Variants in MS4A14 observed in about 807,000 individuals in gnomAD.
MS4A14 encodes the protein membrane-spanning 4-domains subfamily A member 14.
A neutral mutation model predicts 16.7 loss-of-function variants in MS4A14; 18 were observed. That is an observed-to-expected ratio of 1.08 (90% CI 0.75 to 1.60). The LOEUF is 1.60. Ranked by LOEUF, MS4A14 falls within the 40% of genes most tolerant of loss-of-function variation. The pLI is 0.00. For missense variants in MS4A14, 812 were observed against 775.3 expected (o/e 1.05, Z -0.56); for synonymous variants, 305 against 289.4 (o/e 1.05, Z -0.55).
At chr11:60,399,149 T>C (rs7107802) in intron 2 of MS4A14, among the ~76,000 whole-genome samples, 106,233 of 152,130 alleles carry the variant, frequency 0.7, 37,285 homozygotes, top group Middle Eastern at 0.81. Flanking sequence ...GTTTGTCATC[T>C]AACTGGGAGA....
At chr11:60,398,570 T>G (rs543544986) in intron 2 of MS4A14, among the ~76,000 whole-genome samples, 2 of 152,302 alleles carry the variant, frequency 1.3e-5, no homozygotes, top group East Asian at 3.9e-4. Context: ...TACTATAACA[T>G]ACACTCCTGA....
intron 4 of MS4A14, among the ~76,000 whole-genome samples, chr11:60,412,421 TA>T (rs2085881545): frequency 6.6e-6 from 1 of 151,972 alleles, no homozygotes; most frequent in Admixed American, 6.5e-5. Context: ...TATGGATCTG[TA>T]AAGATTTTCT....
chr11:60,415,323 A>T, intron 4 of MS4A14, 114 bp from the exon 5 acceptor site: 2 of 1,122,932 alleles, frequency 1.8e-6, no homozygotes, highest in Non-Finnish European at 2.5e-6. Flanking sequence ...CTTCTCATTT[A>T]GATGTTATTT....
At position 60,416,807 on chromosome 11, in the gene MS4A14, G is replaced by C. The variant is rs2085954276; in HGVS notation, c.1839G>C (p.Glu613Asp). 1 of 1,613,486 alleles carries C rather than the reference G, an allele frequency of 6.2e-7. No homozygotes were observed. The highest frequency in any genetic ancestry group is 1.3e-5 in the African/African-American group (1 of 74,870). ...DQQTEDQPAQ[E>D]KKSPKGQFQN... ...AAACTGAAGACCAGCCGGCCCAAGA[G>C]AAGAAATCCCCGAAAGGACAATTCC... The change falls in exon 5 of 5, where the codon GAG becomes GAC. Residue 613 changes from glutamate (E) to aspartate (D), a missense_variant. Physicochemically the swap from Glu to Asp is conservative, Grantham distance 45. Coordinates refer to ENST00000300187, the MANE Select transcript of MS4A14 (RefSeq NM_032597.5).
intron 4 of MS4A14, among the ~76,000 whole-genome samples, chr11:60,410,740 T>C (rs1204426444): frequency 6.6e-6 from 1 of 152,234 alleles, no homozygotes; most frequent in Non-Finnish European, 1.5e-5. Context: ...GAAAATTGAT[T>C]TACTATATAT....
chr11:60,406,751 TC>T (rs2085791809), intron 4 of MS4A14, among the ~76,000 whole-genome samples: 1 of 152,218 alleles, frequency 6.6e-6, no homozygotes, highest in South Asian at 2.1e-4. Flanking sequence ...ACCATCACAA[TC>T]AAGGTATAGT....
intron 2 of MS4A14, among the ~76,000 whole-genome samples, chr11:60,399,659 AAG>A (rs2085681125): frequency 6.6e-6 from 1 of 152,146 alleles, no homozygotes; most frequent in Non-Finnish European, 1.5e-5. Context: ...CAGATGAGGA[AAG>A]AGTTTCCCGA....
intron 4 of MS4A14, 128 bp from the exon 5 acceptor site, chr11:60,415,309 C>T: frequency 1.0e-6 from 1 of 974,702 alleles, no homozygotes; most frequent in Non-Finnish European, 1.5e-6. Flanking sequence ...CATTCGTTTT[C>T]TGCCTTCTCA....
intron 4 of MS4A14, 45 bp from the exon 5 acceptor site, chr11:60,415,392 G>C: frequency 1.3e-6 from 2 of 1,523,890 alleles, no homozygotes; most frequent in Non-Finnish European, 8.8e-7. Flanking sequence ...AAAAAAATCA[G>C]ACATGATTCT....
In MS4A14 at chr11:60,416,671, AT is replaced by A. The variant is rs1305874757; in HGVS notation, c.1704del (p.Gln569SerfsTer109). 2 of 1,613,916 alleles carry A rather than the reference AT, an allele frequency of 1.2e-6. No homozygotes were observed. Among genetic ancestry groups the A allele is most frequent in the East Asian group, 2.2e-5 (1 of 44,858 alleles). Reference protein sequence around the residue: ...KEQLPDQQAEDQQAKGEQYPE... With the variant: ...KEQLPDQQAEXQQAKGEQYPE... The stretch of plus-strand genomic sequence containing the variant: ...CAACTCCCAGATCAGCAAGCTGAAG[AT>A]CAGCAAGCCAAAGGGGAACAATACC... On this transcript the variant is annotated frameshift_variant, in exon 5 of 5. Coordinates refer to ENST00000300187, the MANE Select transcript of MS4A14 (RefSeq NM_032597.5). LOFTEE classifies it low-confidence loss of function (END_TRUNC).
intron 1 of MS4A14, among the ~76,000 whole-genome samples, chr11:60,397,086 G>A (rs1366038892): frequency 6.6e-6 from 1 of 152,130 alleles, no homozygotes; most frequent in Non-Finnish European, 1.5e-5. Context: ...CATGCAAAAC[G>A]TTTTTCATCA....
intron 2 of MS4A14, among the ~76,000 whole-genome samples, chr11:60,398,921 T>C (rs1451170636): frequency 6.6e-6 from 1 of 152,210 alleles, no homozygotes; most frequent in African/African-American, 2.4e-5. Flanking sequence ...CACTTTCTCA[T>C]TTCACAACAG....
chr11:60,411,199 T>G (rs2135146763), intron 4 of MS4A14, among the ~76,000 whole-genome samples: 1 of 152,352 alleles, frequency 6.6e-6, no homozygotes, highest in Admixed American at 6.5e-5. Context: ...TTGGAAAGTA[T>G]AATCACTCAA....
intron 4 of MS4A14, among the ~76,000 whole-genome samples, chr11:60,414,641 C>T (rs1460276322): frequency 6.6e-6 from 1 of 152,088 alleles, no homozygotes; most frequent in Non-Finnish European, 1.5e-5. Flanking sequence ...GTTTAAAAAA[C>T]TCCAATTGCT....
rs71036579 is a variant in MS4A14, at chr11:60,407,006, C to CTTT, written c.468+3969_468+3971dup. 7.5e-4 allele frequency among the ~76,000 whole-genome samples: 56 copies of CTTT among 74,636 alleles called. 5 individuals are homozygous for CTTT. Among genetic ancestry groups the CTTT allele is most frequent in the African/African-American group, 2.7e-3 (50 of 18,190 alleles). The allele number at this position is 74,636 out of a possible 152,430, so 49.0% of individuals were successfully genotyped here. On this transcript the variant is annotated intron_variant, in intron 4 of 4. Coordinates refer to ENST00000300187, the MANE Select transcript of MS4A14 (RefSeq NM_032597.5). ...CACCACAATTTGTTTATCAATTTAC[C>CTTT]TTTTTTTTTTTTTTTTTTTTTTTTT...
intron 4 of MS4A14, among the ~76,000 whole-genome samples, chr11:60,415,164 G>A (rs2085919842): frequency 6.6e-6 from 1 of 152,058 alleles, no homozygotes; most frequent in Non-Finnish European, 1.5e-5. Context: ...AAATGTCTCA[G>A]AAGCTTTATA....
At position 60,415,990 on chromosome 11, in the gene MS4A14, C is replaced by A; in HGVS notation, c.1022C>A (p.Ser341Ter). 2 of 1,613,936 alleles carry A rather than the reference C, an allele frequency of 1.2e-6. No individual in the cohort carries two copies. The highest frequency in any genetic ancestry group is 1.7e-6 in the Non-Finnish European group (2 of 1,179,922). Reference sequence around the variant, plus strand: ...CAAACCATGCCATCTAAGTCTACATCATCCCATGTCAAACAGTCTTCTAAT... The same window carrying A: ...CAAACCATGCCATCTAAGTCTACATAATCCCATGTCAAACAGTCTTCTAAT... ...SEQTMPSKST[S>*]SHVKQSSNLT... The change falls in exon 5 of 5, where the codon TCA (serine) becomes TAA (stop). Residue 341 changes from serine (S) to a stop codon, truncating the protein, a stop_gained. Transcript: ENST00000300187. LOFTEE classifies it low-confidence loss of function (END_TRUNC).
In MS4A14 at chr11:60,415,983, T is replaced by C. The variant is rs1301569942; in HGVS notation, c.1015T>C (p.Ser339Pro). The C allele has an allele frequency of 6.2e-7, 1 of 1,613,900 alleles. No homozygotes were observed. The highest frequency in any genetic ancestry group is 1.7e-5 in the Admixed American group (1 of 59,946). The part of the protein sequence containing the change: ...GLSEQTMPSK[S>P]TSSHVKQSSN... ...GTCAGAACAAACCATGCCATCTAAG[T>C]CTACATCATCCCATGTCAAACAGTC... Residue 339 changes from serine to proline, a missense_variant, in exon 5 of 5, where the codon TCT becomes CCT. By Grantham distance (74) the Ser-to-Pro change is moderately conservative. Coordinates refer to ENST00000300187, the MANE Select transcript of MS4A14 (RefSeq NM_032597.5).
chr11:60,415,698 T>C lies in MS4A14; in HGVS notation c.730T>C (p.Ser244Pro). ...KQSILPSPKF[S>P]EEEIEPLPPT... ...AAGTATCCTTCCATCTCCCAAATTTTCAGAGGAAGAAATTGAACCTTTGCC... is the reference window on the plus strand; with the variant it reads ...AAGTATCCTTCCATCTCCCAAATTTCCAGAGGAAGAAATTGAACCTTTGCC... Residue 244 changes from serine to proline, a missense_variant, in exon 5 of 5, where the codon TCA becomes CCA. Ser to Pro is a moderately conservative substitution (Grantham distance 74). Transcript: ENST00000300187. 1.2e-6 allele frequency: 2 copies of C among 1,613,892 alleles called. No homozygotes were observed. Among genetic ancestry groups the C allele is most frequent in the Non-Finnish European group, 1.7e-6 (2 of 1,179,886 alleles).
Sources: gnomAD v4.1 joint callset for allele counts (sites outside exome capture counted in the v4.1 genomes callset) on GRCh38, gnomAD v4.1.1 for gene constraint, MANE v1.5 for transcripts, NCBI Gene and HGNC (gene_info 2026-07-23, HGNC 2026-07-21) for gene names.